The following RPTOR variants were observed in gnomAD, a reference collection of about 807,000 sequenced individuals.
The protein encoded by RPTOR is regulatory associated protein of MTOR complex 1, also known as regulatory-associated protein of mTOR.
A neutral mutation model predicts 169.9 loss-of-function variants in RPTOR; 21 were observed. The ratio of observed to expected loss-of-function variants is 0.12; its 90% CI spans 0.09 to 0.18. RPTOR has a LOEUF of 0.18. Among genes scored for constraint, RPTOR ranks in the 10% least tolerant of loss-of-function variants. RPTOR has a pLI of 1.00. For synonymous variants in RPTOR, 732 were observed against 753.2 expected (o/e 0.97, Z 0.46); for missense variants, 1,133 against 1,855.9 (o/e 0.61, Z 7.16).
chr17:80,809,880 T>C (rs546795950), intron 7 of RPTOR, among the ~76,000 whole-genome samples: 1 of 151,974 alleles, frequency 6.6e-6, no homozygotes, highest in African/African-American at 2.4e-5. Flanking sequence ...CTAATAAAAA[T>C]ACAAAAATTA....
chr17:80,605,542 T>C (rs548204233), intron 1 of RPTOR, among the ~76,000 whole-genome samples: 1 of 152,184 alleles, frequency 6.6e-6, no homozygotes, highest in South Asian at 2.1e-4. Flanking sequence ...AAGTGCATAG[T>C]CTTAAGTCTC....
chr17:80,602,800 G>C (rs2065199909), intron 1 of RPTOR: 1 of 690,568 alleles, frequency 1.4e-6, no homozygotes, highest in African/African-American at 1.8e-5. Context: ...AGTGCCCAAG[G>C]GGCACGCTTC....
At chr17:80,888,106 CTATTT>C (rs1252375537) in intron 17 of RPTOR, among the ~76,000 whole-genome samples, 2 of 152,134 alleles carry the variant, frequency 1.3e-5, no homozygotes, top group African/African-American at 4.8e-5. Flanking sequence ...TGTTCAGATA[CTATTT>C]TATTTTATTT....
intron 7 of RPTOR, among the ~76,000 whole-genome samples, chr17:80,800,965 T>C (rs9891152): frequency 0.22 from 33,823 of 152,224 alleles, 4,165 homozygotes; most frequent in African/African-American, 0.32. Flanking sequence ...TCCGAGGCTC[T>C]GGTAGCACGG....
intron 1 of RPTOR, among the ~76,000 whole-genome samples, chr17:80,559,243 C>T (rs2084448565): frequency 6.6e-6 from 1 of 152,148 alleles, no homozygotes. Flanking sequence ...AATGATGCAC[C>T]TTTGTCAGTG....
rs572888933 is a variant in RPTOR at position 80,960,392 on chromosome 17, G to T, written c.3605+187G>T. 5.3e-5 allele frequency among the ~76,000 whole-genome samples: 8 copies of T among 152,344 alleles called. No homozygotes were observed. The highest frequency in any genetic ancestry group is 1.9e-4 in the African/African-American group (8 of 41,590). On this transcript the variant is annotated intron_variant, in intron 30 of 33. Transcript: ENST00000306801. The surrounding 1 kb of genome is among the most constrained non-coding windows in gnomAD (Gnocchi z 4.8). ...AAGCCGCCAGGCCCGTCCCACTGAG[G>T]CCCATCCCACAAAGGTCTGCCCCAC...
chr17:80,621,946 C>T (rs1372147621), intron 1 of RPTOR, among the ~76,000 whole-genome samples: 10 of 152,208 alleles, frequency 6.6e-5, no homozygotes, highest in Admixed American at 3.9e-4. Context: ...CACTTGGCCA[C>T]GGGAGCAGCA....
intron 7 of RPTOR, among the ~76,000 whole-genome samples, chr17:80,793,423 G>A (rs1413583606): frequency 1.3e-5 from 2 of 152,148 alleles, no homozygotes; most frequent in Non-Finnish European, 1.5e-5. Flanking sequence ...CAGCTCTTGG[G>A]TGAAAACTGT....
chr17:80,642,057 A>C (rs1426225216), intron 2 of RPTOR, among the ~76,000 whole-genome samples: 3 of 152,168 alleles, frequency 2.0e-5, no homozygotes, highest in African/African-American at 4.8e-5. Flanking sequence ...CCACTGATAA[A>C]ATTTGAGATT....
intron 24 of RPTOR, among the ~76,000 whole-genome samples, chr17:80,930,316 C>CTCATCT (rs2068869212): frequency 1.5e-5 from 1 of 67,520 alleles, no homozygotes; most frequent in Non-Finnish European, 3.0e-5. Flanking sequence ...TCATCCCCAG[C>CTCATCT]TCAGCTCAGC....
chr17:80,778,902 G>A lies in RPTOR; in HGVS notation c.831-12548G>A, dbSNP rs534710749. Reference sequence around the variant, plus strand: ...GGCACCTCATGTGCGGTGTCTGGCCGCGGCGCCTGCGAATGGGTTTTGCTC... The same window carrying A: ...GGCACCTCATGTGCGGTGTCTGGCCACGGCGCCTGCGAATGGGTTTTGCTC... On this transcript the variant is annotated intron_variant, in intron 6 of 33. Transcript: ENST00000306801. Among the ~76,000 whole-genome samples the A allele has an allele frequency of 1.9e-4, 29 of 152,326 alleles. 1 individual carries two copies. The highest frequency in any genetic ancestry group is 6.3e-4 in the African/African-American group (26 of 41,580).
intron 2 of RPTOR, among the ~76,000 whole-genome samples, chr17:80,628,068 C>G (rs2065410065): frequency 6.6e-6 from 1 of 152,098 alleles, no homozygotes; most frequent in Non-Finnish European, 1.5e-5. Context: ...GAACTCCCGA[C>G]CTCAGGTGAT....
At chr17:80,783,765 A>G (rs893842923) in intron 6 of RPTOR, among the ~76,000 whole-genome samples, 6 of 152,352 alleles carry the variant, frequency 3.9e-5, no homozygotes, top group Admixed American at 3.9e-4. Context: ...TACCAATGGA[A>G]TAATTGTTTT....
chr17:80,558,592 C>T (rs774552323), intron 1 of RPTOR, among the ~76,000 whole-genome samples: 3 of 152,158 alleles, frequency 2.0e-5, no homozygotes, highest in South Asian at 2.1e-4. Flanking sequence ...GTTTACATCT[C>T]GCCTTGTTTA....
chr17:80,904,303 C>G (rs2068514182), intron 20 of RPTOR, among the ~76,000 whole-genome samples: 1 of 152,332 alleles, frequency 6.6e-6, no homozygotes, highest in African/African-American at 2.4e-5. Flanking sequence ...AGGGTCTTGG[C>G]CATCACAGAC....
chr17:80,649,874 C>T (rs991812760), intron 3 of RPTOR, among the ~76,000 whole-genome samples: 7 of 152,214 alleles, frequency 4.6e-5, no homozygotes, highest in Non-Finnish European at 2.9e-5. Context: ...CAGAAGCCTT[C>T]GTAGTCAGCC....
At chr17:80,816,720 G>A (rs2067327139) in intron 7 of RPTOR, among the ~76,000 whole-genome samples, 1 of 152,232 alleles carries the variant, frequency 6.6e-6, no homozygotes, top group Admixed American at 6.5e-5. Flanking sequence ...AGGTGGCTTG[G>A]AAGGGCGGTG....
intron 19 of RPTOR, among the ~76,000 whole-genome samples, chr17:80,893,242 G>A (rs1241307056): frequency 1.3e-5 from 2 of 151,740 alleles, no homozygotes; most frequent in African/African-American, 4.8e-5. Flanking sequence ...GCGCCGGGGC[G>A]TGTGTGCCAG....
intron 5 of RPTOR, among the ~76,000 whole-genome samples, chr17:80,739,749 A>G (rs2066466932): frequency 6.6e-6 from 1 of 152,252 alleles, no homozygotes; most frequent in South Asian, 2.1e-4. Flanking sequence ...ACATAGAGTT[A>G]GATGAAAATG....
Sources: allele counts gnomAD v4.1 joint callset (sites outside exome capture counted in the v4.1 genomes callset), GRCh38; gene constraint gnomAD v4.1.1; non-coding constraint Gnocchi (gnomAD v3.1); transcripts MANE v1.5; gene names NCBI Gene and HGNC (gene_info 2026-07-23, HGNC 2026-07-21).